LRP1B: variants seen among roughly 807,000 people sequenced by gnomAD.
LRP1B encodes the protein low-density lipoprotein receptor-related protein 1B.
A neutral mutation model predicts 556.6 loss-of-function variants in LRP1B; 217 were observed. That is an observed-to-expected ratio of 0.39 (90% CI 0.35 to 0.44). The LOEUF (loss-of-function observed/expected upper bound fraction) is 0.44, where lower values mean the gene tolerates loss of function less well. LRP1B is among the 20% of genes least tolerant of loss of function. The probability of loss-of-function intolerance (pLI) is 1.00; values close to 1 mark genes in which losing one functional copy is unlikely to be tolerated. For synonymous variants in LRP1B, 2,047 were observed against 1,865.8 expected, an observed-to-expected ratio of 1.10 and a Z score of -2.50; for missense variants, 5,053 against 5,620.8, an observed-to-expected ratio of 0.90 and a Z score of 3.23.
In LRP1B at chr2:141,210,568, G is replaced by A. The variant is rs140927953; in HGVS notation, c.850+18615C>T. Among the ~76,000 whole-genome samples, 241 of 152,114 alleles carry A rather than the reference G, an allele frequency of 1.6e-3. 1 individual carries two copies. The highest frequency in any genetic ancestry group is 2.7e-3 in the South Asian group (13 of 4,822). On this transcript the variant is annotated intron_variant, in intron 6 of 90. Transcript: ENST00000389484. The stretch of plus-strand genomic sequence containing the variant: ...ATCATACCTTCCAAGTTTCTGATTG[G>A]TAGATAAAATGAACCTGATAAATTT...
intron 41 of LRP1B, among the ~76,000 whole-genome samples, chr2:140,670,276 A>T (rs1249739688): frequency 6.6e-6 from 1 of 152,190 alleles, no homozygotes; most frequent in African/African-American, 2.4e-5. Context: ...CATTAAAATA[A>T]TTTTTGTTTA....
chr2:141,456,857 G>C (rs927837682), intron 3 of LRP1B, among the ~76,000 whole-genome samples: 1 of 152,136 alleles, frequency 6.6e-6, no homozygotes, highest in African/African-American at 2.4e-5. Flanking sequence ...TAAAATCTAG[G>C]GTTCATAAGA....
chr2:141,681,184 T>A (rs1238415154), intron 2 of LRP1B, among the ~76,000 whole-genome samples: 1 of 152,044 alleles, frequency 6.6e-6, no homozygotes, highest in Non-Finnish European at 1.5e-5. Flanking sequence ...TCCCAGCTCC[T>A]TGGAGGCTGA....
intron 3 of LRP1B, among the ~76,000 whole-genome samples, chr2:141,278,590 A>G (rs1324925141): frequency 6.6e-6 from 1 of 152,176 alleles, no homozygotes; most frequent in African/African-American, 2.4e-5. Flanking sequence ...GTGTAACACT[A>G]TGGCTAAAAT....
chr2:141,795,893 TATATATA>T (rs1367207420), intron 2 of LRP1B, among the ~76,000 whole-genome samples: 5 of 78,232 alleles, frequency 6.4e-5, no homozygotes, highest in Admixed American at 1.2e-4. Context: ...TATATATATA[TATATATA>T]ATCTTTAAGC....
chr2:141,068,604 A>T (rs78878039), intron 7 of LRP1B, among the ~76,000 whole-genome samples: 6,118 of 150,774 alleles, frequency 0.041, 130 homozygotes, highest in South Asian at 0.073. Context: ...CATTTTGAAC[A>T]TGCCTAGTGC....
intron 52 of LRP1B, among the ~76,000 whole-genome samples, chr2:140,507,786 C>T (rs1163587227): frequency 1.3e-5 from 2 of 152,084 alleles, no homozygotes; most frequent in East Asian, 3.8e-4. Flanking sequence ...CAATAATCCG[C>T]TATATGCTAT....
At chr2:141,249,823 T>C (rs115642760) in intron 4 of LRP1B, among the ~76,000 whole-genome samples, 1 of 152,102 alleles carries the variant, frequency 6.6e-6, no homozygotes, top group Non-Finnish European at 1.5e-5. Context: ...CTGATGTTGA[T>C]GTAATGTAGG....
intron 66 of LRP1B, among the ~76,000 whole-genome samples, chr2:140,389,686 A>C (rs1046298142): frequency 2.7e-5 from 4 of 146,238 alleles, no homozygotes; most frequent in African/African-American, 1.0e-4. Context: ...ATGTTGTTTA[A>C]AATGTTCATT....
At chr2:141,596,704 A>G (rs1163990625) in intron 2 of LRP1B, among the ~76,000 whole-genome samples, 4 of 152,008 alleles carry the variant, frequency 2.6e-5, no homozygotes, top group African/African-American at 9.7e-5. Flanking sequence ...CCTTTCACTT[A>G]AGAGACTTCA....
intron 41 of LRP1B, among the ~76,000 whole-genome samples, chr2:140,692,434 A>G (rs1332200645): frequency 2.0e-5 from 3 of 152,162 alleles, no homozygotes; most frequent in Non-Finnish European, 4.4e-5. Flanking sequence ...AAATGTTACA[A>G]ATAGCTCTTC....
At chr2:140,677,356 T>C (rs1010353190) in intron 41 of LRP1B, among the ~76,000 whole-genome samples, 1 of 152,170 alleles carries the variant, frequency 6.6e-6, no homozygotes, top group African/African-American at 2.4e-5. Flanking sequence ...GAGAGGACAA[T>C]GGGATCCACG....
At chr2:141,071,169 G>T (rs1699629889) in intron 7 of LRP1B, among the ~76,000 whole-genome samples, 1 of 150,592 alleles carries the variant, frequency 6.6e-6, no homozygotes, top group Non-Finnish European at 1.5e-5. Flanking sequence ...GATCAAGTGG[G>T]CTTCATCCCT....
At chr2:140,500,063 C>G (rs1328802974) in intron 55 of LRP1B, among the ~76,000 whole-genome samples, 3 of 151,932 alleles carry the variant, frequency 2.0e-5, no homozygotes, top group Non-Finnish European at 4.4e-5. Context: ...GATGCATGCT[C>G]ATCTCATTAA....
intron 2 of LRP1B, among the ~76,000 whole-genome samples, chr2:141,487,142 CAT>C (rs1406261828): frequency 6.6e-6 from 1 of 152,178 alleles, no homozygotes; most frequent in African/African-American, 2.4e-5. Context: ...CTGGGAAACA[CAT>C]GATTATCCTT....
At chr2:141,420,814 A>G (rs1559061058) in intron 3 of LRP1B, among the ~76,000 whole-genome samples, 1 of 152,140 alleles carries the variant, frequency 6.6e-6, no homozygotes, top group East Asian at 1.9e-4. Context: ...AGAAATACAC[A>G]CTATACTTGT....
Position 141,270,729 on chromosome 2 carries a change from G to A in LRP1B, c.344-16088C>T, listed in dbSNP as rs188832846. ...TGATTCTATTTATATGAGTTACTTA[G>A]GGTAGTAAAATTCATAGAGACAAAG... On this transcript the variant is annotated intron_variant, in intron 3 of 90. Coordinates refer to ENST00000389484, the MANE Select transcript of LRP1B (RefSeq NM_018557.3). Among the ~76,000 whole-genome samples, 266 of 152,118 alleles carry A rather than the reference G, an allele frequency of 1.7e-3. 2 individuals are homozygous for A. Among genetic ancestry groups the A allele is most frequent in the East Asian group, 7.1e-3 (37 of 5,186 alleles).
intron 11 of LRP1B, among the ~76,000 whole-genome samples, chr2:141,024,914 T>C (rs1698175450): frequency 6.6e-6 from 1 of 152,064 alleles, no homozygotes; most frequent in African/African-American, 2.4e-5. Context: ...TAATGGGCAG[T>C]AAGAAGGCCT....
chr2:141,864,650 G>A (rs1302662173), intron 1 of LRP1B, among the ~76,000 whole-genome samples: 5 of 151,960 alleles, frequency 3.3e-5, no homozygotes, highest in African/African-American at 1.2e-4. Context: ...GGGAGGCTGA[G>A]GCAGGCAGAT....
Sources: gnomAD v4.1 joint callset for allele counts (sites outside exome capture counted in the v4.1 genomes callset) on GRCh38, gnomAD v4.1.1 for gene constraint, MANE v1.5 for transcripts, NCBI Gene and HGNC (gene_info 2026-07-23, HGNC 2026-07-21) for gene names.